TRABD2A: variants seen among roughly 807,000 people sequenced by gnomAD.
TRABD2A encodes the protein metalloprotease TIKI1.
In TRABD2A, 43 loss-of-function variants were observed where a neutral mutation model predicts 45.6. The observed-to-expected ratio is 0.94, with a 90% CI of 0.74 to 1.22. TRABD2A has a LOEUF of 1.22. Ranked by LOEUF, TRABD2A falls within the 50% of genes most tolerant of loss-of-function variation. The pLI, the probability that TRABD2A is intolerant of heterozygous loss-of-function variation, is 0.00. For missense variants in TRABD2A, 642 were observed against 652.4 expected (o/e 0.98, Z 0.17); for synonymous variants, 269 against 265.0 (o/e 1.02, Z -0.15).
At chr2:84,863,011 A>G (rs1185122492) in intron 2 of TRABD2A, among the ~76,000 whole-genome samples, 1 of 152,170 alleles carries the variant, frequency 6.6e-6, no homozygotes, top group East Asian at 1.9e-4. Context: ...TTGTGAAGAC[A>G]CGGTCCACGT....
Position 84,821,923 on chromosome 2 carries a change from G to C in TRABD2A, c.1512C>G (p.Leu504=), listed in dbSNP as rs369918624. The part of the protein sequence containing the change: ...LVLAFQTETP[L]L ...AGCCTGGTGCTTCCAGTCGTTACAG[G>C]AGGGGTGTCTCTGTTTGGAAAGCCA... Residue 504 remains leucine (L), a synonymous_variant, in exon 7 of 7, where the codon CTC becomes CTG. Transcript: ENST00000409520. 1.3e-6 allele frequency: 2 copies of C among 1,598,956 alleles called. No homozygotes were observed. Among genetic ancestry groups the C allele is most frequent in the Admixed American group, 3.4e-5 (2 of 58,124 alleles).
rs1046040505 is a variant in TRABD2A, at chr2:84,830,085, G to A, written c.1082+1970C>T. Reference sequence around the variant, plus strand: ...CTCTCCAGCACCCTAAGGACAGTGCGTTGAACCCCAGGCCAGTCAGCCCAG... The same window carrying A: ...CTCTCCAGCACCCTAAGGACAGTGCATTGAACCCCAGGCCAGTCAGCCCAG... On this transcript the variant is annotated intron_variant, in intron 5 of 6. Coordinates refer to ENST00000409520, the MANE Select transcript of TRABD2A (RefSeq NM_001277053.2). The surrounding 1 kb of genome is among the most constrained non-coding windows in gnomAD (Gnocchi z 4.9). Among the ~76,000 whole-genome samples, 1 of 152,098 alleles carries A rather than the reference G, an allele frequency of 6.6e-6. No homozygotes were observed. The highest frequency in any genetic ancestry group is 1.5e-5 in the Non-Finnish European group (1 of 68,012).
chr2:84,859,142 C>T (rs1346415756), intron 2 of TRABD2A, among the ~76,000 whole-genome samples: 2 of 152,176 alleles, frequency 1.3e-5, no homozygotes, highest in Non-Finnish European at 2.9e-5. Flanking sequence ...GGCACACTAA[C>T]ATTATTGTGT....
intron 2 of TRABD2A, among the ~76,000 whole-genome samples, chr2:84,857,905 T>G (rs1024582769): frequency 5.3e-5 from 8 of 152,192 alleles, no homozygotes; most frequent in African/African-American, 1.7e-4. Flanking sequence ...AGACAGAGTC[T>G]TGCTCTGTCA....
At position 84,840,043 on chromosome 2, in the gene TRABD2A, C is replaced by A. The variant is rs576104396; in HGVS notation, c.817-720G>T. ...CAAACCTCAGCCTCCCACTCCTCCC[C>A]CTGGGTGCATGCTCTCTCCTCCACC... On this transcript the variant is annotated intron_variant, in intron 3 of 6. Transcript: ENST00000409520. Among the ~76,000 whole-genome samples the A allele has an allele frequency of 2.0e-5, 3 of 152,210 alleles. No homozygotes were observed. The East Asian group carries it at 5.8e-4, about 29-fold the overall frequency.
intron 2 of TRABD2A, among the ~76,000 whole-genome samples, chr2:84,868,447 GA>G (rs1333704118): frequency 1.3e-5 from 2 of 148,624 alleles, no homozygotes; most frequent in African/African-American, 5.0e-5. Context: ...GGGGTAGGGG[GA>G]GGGGGGAGGG....
At chr2:84,842,123 G>A in intron 2 of TRABD2A, 116 bp from the exon 3 acceptor site, 1 of 1,114,244 alleles carries the variant, frequency 9.0e-7, no homozygotes, top group East Asian at 2.7e-5. Context: ...TAAGGACGTG[G>A]ATAGTGCTAC....
chr2:84,844,079 C>G (rs777900941), intron 2 of TRABD2A: 5 of 152,182 alleles, frequency 3.3e-5, no homozygotes, highest in Admixed American at 1.3e-4. Context: ...GTCTTGGTAC[C>G]CTCTAGACCA....
At chr2:84,838,306 A>C in intron 4 of TRABD2A, 1 of 712,718 alleles carries the variant, frequency 1.4e-6, no homozygotes, top group South Asian at 1.5e-5. Context: ...TTCTATCAAA[A>C]TTCATCCAGT....
intron 5 of TRABD2A, among the ~76,000 whole-genome samples, chr2:84,826,243 A>T (rs1480544318): frequency 6.6e-6 from 1 of 152,140 alleles, no homozygotes; most frequent in Non-Finnish European, 1.5e-5. Context: ...TCACAGTGAG[A>T]CAAATCATAG....
intron 2 of TRABD2A, among the ~76,000 whole-genome samples, chr2:84,854,294 C>T (rs1682199828): frequency 6.6e-6 from 1 of 151,944 alleles, no homozygotes; most frequent in Admixed American, 6.6e-5. Context: ...GGAACCAATC[C>T]CCCATGGATA....
chr2:84,876,279 G>C (rs1440163208), intron 1 of TRABD2A, among the ~76,000 whole-genome samples: 2 of 152,152 alleles, frequency 1.3e-5, no homozygotes, highest in African/African-American at 4.8e-5. Context: ...ACTAGACAAG[G>C]TCTCCAACAG....
At chr2:84,876,219 G>C (rs964984269) in intron 1 of TRABD2A, among the ~76,000 whole-genome samples, 14 of 152,184 alleles carry the variant, frequency 9.2e-5, no homozygotes, top group African/African-American at 3.4e-4. Flanking sequence ...CTGGGTCAGA[G>C]ATGAAGATGA....
intron 2 of TRABD2A, among the ~76,000 whole-genome samples, chr2:84,848,328 T>TGATA (rs58667309): frequency 0.013 from 1,695 of 126,754 alleles, 19 homozygotes; most frequent in East Asian, 0.018. Flanking sequence ...CACATAAAAA[T>TGATA]GATAGATAGA....
Position 84,839,340 on chromosome 2 carries a change from A to AG in TRABD2A, c.817-18dup, listed in dbSNP as rs1681629833. 1.9e-6 allele frequency: 3 copies of AG among 1,575,700 alleles called. No individual in the cohort carries two copies. Among genetic ancestry groups the AG allele is most frequent in the African/African-American group, 2.7e-5 (2 of 73,200 alleles). ...ATTGGGAACCTCCACCAAAATAAAG[A>AG]GAAAAAAAAATAAGGGGCAACAGAG... On this transcript the variant is annotated splice_polypyrimidine_tract_variant and intron_variant, in intron 3 of 6. Coordinates refer to ENST00000409520, the MANE Select transcript of TRABD2A (RefSeq NM_001277053.2).
chr2:84,880,253 C>T (rs1035283345), intron 1 of TRABD2A, among the ~76,000 whole-genome samples: 1 of 151,732 alleles, frequency 6.6e-6, no homozygotes, highest in Non-Finnish European at 1.5e-5. Context: ...TGTGTTGACT[C>T]GGGCAGGTCA....
At chr2:84,876,080 G>A (rs1257104136) in intron 1 of TRABD2A, among the ~76,000 whole-genome samples, 1 of 152,134 alleles carries the variant, frequency 6.6e-6, no homozygotes, top group Non-Finnish European at 1.5e-5. Context: ...GAAGGACGGG[G>A]GTGAAACAGG....
intron 2 of TRABD2A, among the ~76,000 whole-genome samples, chr2:84,863,507 C>A (rs181882088): frequency 6.6e-6 from 1 of 150,968 alleles, no homozygotes; most frequent in East Asian, 2.0e-4. Flanking sequence ...GCTGGGATTA[C>A]AGGTGTGAGC....
At chr2:84,872,566 G>T (rs1682899996) in intron 1 of TRABD2A, among the ~76,000 whole-genome samples, 2 of 152,006 alleles carry the variant, frequency 1.3e-5, no homozygotes, top group South Asian at 4.1e-4. Flanking sequence ...GAGGGAGAAA[G>T]AAATATTTGG....
Sources: allele counts gnomAD v4.1 joint callset (sites outside exome capture counted in the v4.1 genomes callset), GRCh38; gene constraint gnomAD v4.1.1; non-coding constraint Gnocchi (gnomAD v3.1); transcripts MANE v1.5; gene names NCBI Gene and HGNC (gene_info 2026-07-23, HGNC 2026-07-21).